Variants in KLF12 observed in about 807,000 individuals in gnomAD.
KLF12 encodes Krueppel-like factor 12.
Under a neutral mutation model 37.8 loss-of-function variants are expected in KLF12, and 9 were observed. That is an observed-to-expected ratio of 0.24 (90% CI 0.14 to 0.42). The LOEUF is 0.42. Among genes scored for constraint, KLF12 ranks in the 10% least tolerant of loss-of-function variants. The probability of loss-of-function intolerance (pLI) is 1.00; values close to 1 mark genes in which losing one functional copy is unlikely to be tolerated. For synonymous variants in KLF12, 208 were observed against 202.1 expected (o/e 1.03, Z -0.25); for missense variants, 411 against 516.0 (o/e 0.80, Z 1.97).
intron 1 of KLF12, among the ~76,000 whole-genome samples, chr13:74,047,820 T>C (rs1198607991): frequency 1.3e-5 from 2 of 152,228 alleles, no homozygotes; most frequent in Non-Finnish European, 2.9e-5. Flanking sequence ...AACGCTTTTT[T>C]GATTAAACAA....
At chr13:74,251,662 T>C in the KLF12 span, among the ~76,000 whole-genome samples, 1 of 152,042 alleles carries the variant, frequency 6.6e-6, no homozygotes, top group Non-Finnish European at 1.5e-5. Context: ...AAGATTTGGC[T>C]CCCCAGTTGG....
intron 5 of KLF12, among the ~76,000 whole-genome samples, chr13:73,799,340 G>T (rs1308178073): frequency 6.6e-6 from 1 of 151,958 alleles, no homozygotes; most frequent in Non-Finnish European, 1.5e-5. Context: ...GAAATAATCT[G>T]CACAACGAAC....
chr13:74,128,732 G>A (rs1250386586), intron 1 of KLF12, among the ~76,000 whole-genome samples: 1 of 152,146 alleles, frequency 6.6e-6, no homozygotes, highest in Non-Finnish European at 1.5e-5. Flanking sequence ...TTTTCTTTAA[G>A]GCAGGGTTGT....
intron 3 of KLF12, among the ~76,000 whole-genome samples, chr13:73,887,154 T>C (rs1887269563): frequency 6.6e-6 from 1 of 152,220 alleles, no homozygotes; most frequent in African/African-American, 2.4e-5. Flanking sequence ...ATACATGTGC[T>C]ACTGAACAAA....
chr13:73,723,412 G>A (rs1002057225), intron 6 of KLF12, among the ~76,000 whole-genome samples: 1 of 152,034 alleles, frequency 6.6e-6, no homozygotes, highest in African/African-American at 2.4e-5. Context: ...TATTTAGAGG[G>A]ATTTTCCCAC....
At chr13:74,061,942 G>A (rs1289857124) in intron 1 of KLF12, among the ~76,000 whole-genome samples, 5 of 152,132 alleles carry the variant, frequency 3.3e-5, no homozygotes, top group Non-Finnish European at 5.9e-5. Context: ...ATAAGCCTTA[G>A]TCACATATAA....
At position 73,905,355 on chromosome 13, in the gene KLF12, G is replaced by C. The variant is rs531966698; in HGVS notation, c.123+38626C>G. On this transcript the variant is annotated intron_variant, in intron 3 of 7. Transcript: ENST00000377669. The stretch of plus-strand genomic sequence containing the variant: ...AGCGCTAACCTTTTTTATGTTCATG[G>C]GGCTCTGTTGAAATATGATATCATC... 1.0e-3 allele frequency among the ~76,000 whole-genome samples: 151 copies of C among 149,744 alleles called. 2 individuals are homozygous for C. The highest frequency in any genetic ancestry group is 1.3e-3 in the Non-Finnish European group (88 of 67,950).
intron 5 of KLF12, chr13:73,801,271 T>A (rs1566377118): frequency 6.6e-6 from 1 of 152,072 alleles, no homozygotes; most frequent in Non-Finnish European, 1.5e-5. Flanking sequence ...GCACAATGGC[T>A]GTAACTCCTG....
the KLF12 span, among the ~76,000 whole-genome samples, chr13:74,270,580 C>A: frequency 6.6e-6 from 1 of 152,164 alleles, no homozygotes; most frequent in Admixed American, 6.5e-5. Flanking sequence ...GCAAACCTTG[C>A]CCATCAATAT....
chr13:73,981,878 T>G (rs1055621570), intron 2 of KLF12, among the ~76,000 whole-genome samples: 1 of 152,184 alleles, frequency 6.6e-6, no homozygotes, highest in South Asian at 2.1e-4. Context: ...TTCTAGTATT[T>G]ATAAATTACT....
chr13:73,792,550 G>A (rs560880413), intron 5 of KLF12, among the ~76,000 whole-genome samples: 5 of 152,162 alleles, frequency 3.3e-5, no homozygotes, highest in Non-Finnish European at 7.4e-5. Flanking sequence ...TTATCACAGG[G>A]TGGAAAAGTA....
At chr13:74,279,105 G>T in the KLF12 span, among the ~76,000 whole-genome samples, 1 of 152,120 alleles carries the variant, frequency 6.6e-6, no homozygotes, top group African/African-American at 2.4e-5. Flanking sequence ...ATATTACTCT[G>T]CCCAAACAGG....
At chr13:73,902,081 C>T (rs966623000) in intron 3 of KLF12, among the ~76,000 whole-genome samples, 4 of 151,886 alleles carry the variant, frequency 2.6e-5, no homozygotes, top group African/African-American at 9.7e-5. Context: ...ATTTTAAAGG[C>T]CATTTAAACA....
chr13:74,253,645 A>C, the KLF12 span, among the ~76,000 whole-genome samples: 1 of 152,180 alleles, frequency 6.6e-6, no homozygotes, highest in Non-Finnish European at 1.5e-5. Flanking sequence ...TCCCATTAAA[A>C]CTTGCCAGCC....
intron 2 of KLF12, among the ~76,000 whole-genome samples, chr13:73,953,622 A>G (rs974020995): frequency 6.6e-6 from 1 of 152,196 alleles, no homozygotes; most frequent in African/African-American, 2.4e-5. Flanking sequence ...ATTAAGTCAT[A>G]TATTTTCTGT....
chr13:73,742,526 A>C (rs1335517913), intron 6 of KLF12, among the ~76,000 whole-genome samples: 1 of 152,266 alleles, frequency 6.6e-6, no homozygotes, highest in East Asian at 1.9e-4. Context: ...ATTTTATTTA[A>C]TTCTTCCAAC....
intron 1 of KLF12, among the ~76,000 whole-genome samples, chr13:74,120,554 A>G (rs1472150519): frequency 6.6e-6 from 1 of 152,024 alleles, no homozygotes; most frequent in East Asian, 1.9e-4. Flanking sequence ...GATACTATAT[A>G]AAAACATATC....
chr13:73,754,011 A>T (rs1399925694), intron 6 of KLF12, among the ~76,000 whole-genome samples: 6 of 152,176 alleles, frequency 3.9e-5, no homozygotes, highest in African/African-American at 1.4e-4. Flanking sequence ...GAGAGGAGAG[A>T]GAGGCAGACA....
At chr13:74,288,393 G>A in the KLF12 span, among the ~76,000 whole-genome samples, 4 of 152,196 alleles carry the variant, frequency 2.6e-5, no homozygotes. Context: ...GCAGACAAGC[G>A]AGGTAACGGG....
Sources: allele counts gnomAD v4.1 joint callset (sites outside exome capture counted in the v4.1 genomes callset), GRCh38; gene constraint gnomAD v4.1.1; transcripts MANE v1.5; gene names NCBI Gene and HGNC (gene_info 2026-07-23, HGNC 2026-07-21).